Variants in PRKCB observed in about 807,000 individuals in gnomAD.
The protein encoded by PRKCB is protein kinase C beta.
In PRKCB, 13 loss-of-function variants were observed where a neutral mutation model predicts 81.5. The observed-to-expected ratio is 0.16, with a 90% CI of 0.10 to 0.25. The LOEUF (loss-of-function observed/expected upper bound fraction) is 0.25, where lower values mean the gene tolerates loss of function less well. Among genes scored for constraint, PRKCB ranks in the 10% least tolerant of loss-of-function variants. PRKCB has a pLI of 1.00. For missense variants in PRKCB, 509 were observed against 875.7 expected (o/e 0.58, Z 5.29); for synonymous variants, 335 against 321.4 (o/e 1.04, Z -0.45).
At position 23,902,780 on chromosome 16, in the gene PRKCB, T is replaced by TCCTTCCTTCCTTCCTTCTTCCTCCCTC. The variant is rs1567307987; in HGVS notation, c.205+65377_205+65378insTCCTTCCTTCCTTCTTCCTCCCTCCCT. 1.7e-3 allele frequency among the ~76,000 whole-genome samples: 46 copies of TCCTTCCTTCCTTCCTTCTTCCTCCCTC among 27,396 alleles called. 5 individuals are homozygous for TCCTTCCTTCCTTCCTTCTTCCTCCCTC. The highest frequency in any genetic ancestry group is 5.6e-3 in the African/African-American group (32 of 5,720). 18.0% of individuals were successfully genotyped at this position (27,396 alleles called of 152,430 possible). A position where few individuals can be genotyped will look rare whatever the true frequency, so the allele number is the denominator to read the frequency against. ...TTCCTTCCTTCCTTCCTTCCTTCCT[T>TCCTTCCTTCCTTCCTTCTTCCTCCCTC]CCTCCCTCCCTCCCTCCCTTCCTTC... On this transcript the variant is annotated intron_variant, in intron 2 of 16. Coordinates refer to ENST00000643927, the MANE Select transcript of PRKCB (RefSeq NM_002738.7).
chr16:24,075,725 C>G (rs1966168656), intron 5 of PRKCB, among the ~76,000 whole-genome samples: 1 of 152,198 alleles, frequency 6.6e-6, no homozygotes, highest in African/African-American at 2.4e-5. Flanking sequence ...GGAAGTGGGT[C>G]AAAGTTAGCC....
intron 2 of PRKCB, among the ~76,000 whole-genome samples, chr16:23,973,887 T>C (rs902576167): frequency 1.1e-4 from 17 of 151,922 alleles, no homozygotes; most frequent in African/African-American, 4.1e-4. Context: ...CCCAGGCTGG[T>C]CTCAAACACC....
chr16:23,840,201 C>T (rs1567285751), intron 2 of PRKCB, among the ~76,000 whole-genome samples: 1 of 152,156 alleles, frequency 6.6e-6, no homozygotes, highest in Non-Finnish European at 1.5e-5. Context: ...TTCTTGGTAT[C>T]AGATATTTCC....
chr16:24,060,036 G>A (rs1259492370), intron 5 of PRKCB, among the ~76,000 whole-genome samples: 4 of 152,190 alleles, frequency 2.6e-5, no homozygotes, highest in South Asian at 2.1e-4. Context: ...CAGGGAAGGC[G>A]TCTTAGAAGG....
chr16:24,102,111 C>T (rs4787327), intron 7 of PRKCB, among the ~76,000 whole-genome samples: 12,593 of 152,142 alleles, frequency 0.083, 607 homozygotes, highest in Middle Eastern at 0.2. Context: ...GATTTTATTT[C>T]GGCTTTCCTG....
intron 3 of PRKCB, among the ~76,000 whole-genome samples, chr16:23,997,362 G>A (rs1377798100): frequency 1.3e-5 from 2 of 152,182 alleles, no homozygotes; most frequent in Admixed American, 6.5e-5. Flanking sequence ...CTCAATACAG[G>A]CAAAACTATG....
At chr16:24,027,120 G>A (rs1965491709) in intron 3 of PRKCB, among the ~76,000 whole-genome samples, 1 of 152,058 alleles carries the variant, frequency 6.6e-6, no homozygotes, top group Non-Finnish European at 1.5e-5. Context: ...ATCTACATTA[G>A]GTATTTCTCC....
At chr16:23,950,772 G>C (rs919206141) in intron 2 of PRKCB, among the ~76,000 whole-genome samples, 5 of 152,204 alleles carry the variant, frequency 3.3e-5, no homozygotes, top group African/African-American at 1.2e-4. Context: ...ACTTTAGCAA[G>C]TGAAACTTTA....
At chr16:23,998,444 G>C (rs1964987895) in intron 3 of PRKCB, among the ~76,000 whole-genome samples, 1 of 152,156 alleles carries the variant, frequency 6.6e-6, no homozygotes, top group Admixed American at 6.5e-5. Flanking sequence ...CATGGATTGA[G>C]AGTGGGGAAG....
intron 2 of PRKCB, among the ~76,000 whole-genome samples, chr16:23,933,437 A>C (rs915132832): frequency 1.3e-5 from 2 of 152,188 alleles, no homozygotes; most frequent in African/African-American, 2.4e-5. Context: ...TGTTAATTCA[A>C]GCCAGAAGAT....
intron 2 of PRKCB, among the ~76,000 whole-genome samples, chr16:23,915,745 A>C (rs1255179371): frequency 6.9e-6 from 1 of 145,176 alleles, no homozygotes; most frequent in Non-Finnish European, 1.5e-5. Context: ...TTTTTAATTT[A>C]AAAATACTTT....
intron 2 of PRKCB, among the ~76,000 whole-genome samples, chr16:23,898,810 G>C (rs559868014): frequency 6.6e-6 from 1 of 152,152 alleles, no homozygotes; most frequent in Non-Finnish European, 1.5e-5. Context: ...ATTTGCCAGG[G>C]ACCATGCGAT....
At chr16:23,986,344 C>T (rs1051111960) in intron 2 of PRKCB, among the ~76,000 whole-genome samples, 1 of 152,136 alleles carries the variant, frequency 6.6e-6, no homozygotes, top group Non-Finnish European at 1.5e-5. Flanking sequence ...GCCCCAACTT[C>T]CTGGGCTCAA....
chr16:24,099,906 G>A (rs992749309), intron 7 of PRKCB: 1 of 151,662 alleles, frequency 6.6e-6, no homozygotes, highest in Non-Finnish European at 1.5e-5. Flanking sequence ...GCAGGAGGCG[G>A]AGGTTGCAGT....
chr16:24,092,932 A>G lies in PRKCB; in HGVS notation c.671A>G (p.Asn224Ser). The part of the protein sequence containing the change: ...TIKCSLNPEW[N>S]ETFRFQLKES... ...AAATGCTCCCTCAACCCTGAGTGGA[A>G]TGAGACATTTAGATTGTAAGTGGAA... The change falls in exon 6 of 17, where the codon AAT (asparagine) becomes AGT (serine). Residue 224 changes from asparagine to serine, a missense_variant. By Grantham distance (46) the Asn-to-Ser change is conservative (BLOSUM62 1). This residue lies in a region of PRKCB where 184 missense variants were observed against 362.9 expected (regional missense o/e 0.51). Coordinates refer to ENST00000643927, the MANE Select transcript of PRKCB (RefSeq NM_002738.7). 1 of 1,613,824 alleles carries G rather than the reference A, an allele frequency of 6.2e-7. No individual in the cohort carries two copies. Among genetic ancestry groups the G allele is most frequent in the Non-Finnish European group, 8.5e-7 (1 of 1,179,990 alleles).
intron 2 of PRKCB, among the ~76,000 whole-genome samples, chr16:23,982,273 T>C (rs1227986436): frequency 7.7e-5 from 3 of 39,184 alleles, no homozygotes; most frequent in Non-Finnish European, 1.4e-4. Flanking sequence ...TTCCCTTCCC[T>C]TTCCCTTCTC....
At chr16:24,159,694 A>G (rs949826936) in intron 10 of PRKCB, among the ~76,000 whole-genome samples, 2 of 152,170 alleles carry the variant, frequency 1.3e-5, no homozygotes, top group Admixed American at 1.3e-4. Context: ...TTTGGCTTAT[A>G]GAATATTTTC....
intron 5 of PRKCB, among the ~76,000 whole-genome samples, chr16:24,043,768 C>T (rs1965732573): frequency 6.6e-6 from 1 of 152,158 alleles, no homozygotes; most frequent in Admixed American, 6.5e-5. Flanking sequence ...TCATTGCTCC[C>T]AAATGTCTAG....
rs1596604313 is a variant in PRKCB, at chr16:24,216,177, G to A, written c.*1361G>A. The A allele has an allele frequency of 3.0e-6, 3 of 985,464 alleles. No homozygotes were observed. Among genetic ancestry groups the A allele is most frequent in the Non-Finnish European group, 3.6e-6 (3 of 829,980 alleles). 61.0% of individuals were successfully genotyped at this position (985,464 alleles called of 1,614,324 possible). ...GGCGGGGGCTGTGGCCCATTCAGGG[G>A]CTGCTGGTGGGCTGTAGTGGGGTGG... On this transcript the variant is annotated 3_prime_UTR_variant, in exon 17 of 17. Coordinates refer to ENST00000643927, the MANE Select transcript of PRKCB (RefSeq NM_002738.7).
Sources: gnomAD v4.1 joint callset for allele counts (sites outside exome capture counted in the v4.1 genomes callset) on GRCh38, gnomAD v4.1.1 for gene constraint, gnomAD v4.1.1 regional missense constraint, MANE v1.5 for transcripts, NCBI Gene and HGNC (gene_info 2026-07-23, HGNC 2026-07-21) for gene names.